TRAP1: variants seen among roughly 807,000 people sequenced by gnomAD.
The protein encoded by TRAP1 is TNF receptor associated protein 1.
A neutral mutation model predicts 89.1 loss-of-function variants in TRAP1; 102 were observed. The observed-to-expected ratio is 1.15, with a 90% CI of 0.98 to 1.35. TRAP1 has a LOEUF of 1.35. TRAP1 is among the 40% of genes most tolerant of loss of function. The pLI is 0.00. For synonymous variants in TRAP1, 508 were observed against 388.0 expected (o/e 1.31, Z -3.64); for missense variants, 1,256 against 945.3 (o/e 1.33, Z -4.31).
intron 1 of TRAP1, among the ~76,000 whole-genome samples, chr16:3,708,474 T>C (rs1478870814): frequency 1.3e-5 from 2 of 151,852 alleles, no homozygotes; most frequent in African/African-American, 4.8e-5. Flanking sequence ...CCATCTCTAC[T>C]AAAAATACAA....
intron 1 of TRAP1, among the ~76,000 whole-genome samples, chr16:3,698,790 T>C (rs1480935149): frequency 6.6e-6 from 1 of 151,874 alleles, no homozygotes; most frequent in African/African-American, 2.4e-5. Context: ...TCTCAGCTAC[T>C]TGGGAGGATC....
chr16:3,712,458 A>G (rs974843612), intron 1 of TRAP1, among the ~76,000 whole-genome samples: 1 of 151,940 alleles, frequency 6.6e-6, no homozygotes, highest in African/African-American at 2.4e-5. Flanking sequence ...TTTCTTATCA[A>G]CCTGACACCC....
At chr16:3,714,505 A>C (rs1180107702) in intron 1 of TRAP1, among the ~76,000 whole-genome samples, 2 of 152,136 alleles carry the variant, frequency 1.3e-5, no homozygotes, top group Non-Finnish European at 2.9e-5. Context: ...TTAAAAATAC[A>C]AAACCTAGCT....
intron 1 of TRAP1, among the ~76,000 whole-genome samples, chr16:3,709,458 G>A (rs144803222): frequency 1.8e-3 from 278 of 152,246 alleles, no homozygotes; most frequent in Non-Finnish European, 3.2e-3. Flanking sequence ...TGGCAATGCC[G>A]TCTGTTATCT....
At position 3,665,998 on chromosome 16, in the gene TRAP1, A is replaced by G. The variant is rs759411322; in HGVS notation, c.1356T>C (p.Ile452=). Residue 452 remains isoleucine, a synonymous_variant, in exon 12 of 18, where the codon ATT becomes ATC. Transcript: ENST00000246957. ...TGACCTCCTGCTCGGTGGCGGTCAC[A>G]ATGCCCTCCCGCATGAACAGGCCGT... ...EDYGLFMREG[I]VTATEQEVKE... 1.4e-5 allele frequency: 22 copies of G among 1,613,914 alleles called. No homozygotes were observed. In the Admixed American group the frequency reaches 1.8e-4, roughly 13 times the overall value.
intron 11 of TRAP1, among the ~76,000 whole-genome samples, chr16:3,670,335 A>C (rs2050895077): frequency 1.4e-5 from 2 of 138,452 alleles, no homozygotes; most frequent in Non-Finnish European, 3.0e-5. Context: ...GTGAGCCGAG[A>C]CTGCGCCACT....
chr16:3,671,727 GA>G lies in TRAP1; in HGVS notation c.1229del (p.Leu410ProfsTer13). On this transcript the variant is annotated frameshift_variant, in exon 11 of 18. Transcript: ENST00000246957. LOFTEE classifies it high-confidence loss of function. ...LSRELLQESA[L>X]IRKLRDVLQQ... Reference sequence around the variant, plus strand: ...CCCCGCGGCCCGAGGCTCACCTGATGAGTGCGCTCTCCTGCAGCAGCTCCCG... The same window carrying G: ...CCCCGCGGCCCGAGGCTCACCTGATGGTGCGCTCTCCTGCAGCAGCTCCCG... The G allele has an allele frequency of 6.2e-7, 1 of 1,612,900 alleles. No individual in the cohort carries two copies. Among genetic ancestry groups the G allele is most frequent in the Non-Finnish European group, 8.5e-7 (1 of 1,180,010 alleles).
intron 11 of TRAP1, 52 bp downstream of exon 11, chr16:3,671,670 A>C (rs2050914370): frequency 6.3e-7 from 1 of 1,582,880 alleles, no homozygotes; most frequent in South Asian, 1.1e-5. Flanking sequence ...GCAAAGGAGC[A>C]GGTAGGGGCC....
chr16:3,667,639 AAAT>A (rs2050853920), intron 11 of TRAP1, among the ~76,000 whole-genome samples: 1 of 151,336 alleles, frequency 6.6e-6, no homozygotes, highest in Non-Finnish European at 1.5e-5. Flanking sequence ...ATAAATAAAT[AAAT>A]AAATAAATAA....
chr16:3,710,704 G>A (rs1223399003), intron 1 of TRAP1, among the ~76,000 whole-genome samples: 1 of 151,990 alleles, frequency 6.6e-6, no homozygotes, highest in Non-Finnish European at 1.5e-5. Flanking sequence ...TTTCTCCTTC[G>A]AGGTGCATAT....
chr16:3,686,704 C>T (rs1228557286), intron 3 of TRAP1, among the ~76,000 whole-genome samples: 1 of 152,120 alleles, frequency 6.6e-6, no homozygotes, highest in African/African-American at 2.4e-5. Context: ...GGGTTGGGGG[C>T]TCATGCTTGT....
chr16:3,678,969 G>A (rs139132127), intron 5 of TRAP1, among the ~76,000 whole-genome samples: 6 of 152,306 alleles, frequency 3.9e-5, no homozygotes, highest in South Asian at 2.1e-4. Context: ...ACACAGCGCC[G>A]TGATGAGAAC....
intron 1 of TRAP1, among the ~76,000 whole-genome samples, chr16:3,692,526 A>G (rs915748810): frequency 1.4e-5 from 2 of 146,232 alleles, no homozygotes; most frequent in African/African-American, 5.2e-5. Flanking sequence ...ACAGAGCAAC[A>G]TTCTGTCTCA....
chr16:3,675,520 C>A, intron 7 of TRAP1, 123 bp from the exon 8 acceptor site: 1 of 891,096 alleles, frequency 1.1e-6, no homozygotes, highest in Admixed American at 2.1e-5. Context: ...GTACACTTCA[C>A]AGGTACAGAA....
intron 11 of TRAP1, among the ~76,000 whole-genome samples, chr16:3,666,330 C>G (rs569118634): frequency 7.3e-5 from 11 of 151,668 alleles, no homozygotes; most frequent in Admixed American, 2.6e-4. Flanking sequence ...GCAGACACCC[C>G]CTGGAGGCAG....
chr16:3,664,104 C>A, intron 13 of TRAP1, 170 bp downstream of exon 13: 1 of 676,312 alleles, frequency 1.5e-6, no homozygotes, highest in Non-Finnish European at 2.3e-6. Flanking sequence ...ATGTGACCTC[C>A]AAGTGGGAAA....
intron 4 of TRAP1, among the ~76,000 whole-genome samples, chr16:3,683,545 C>G (rs972363455): frequency 5.9e-5 from 9 of 151,774 alleles, no homozygotes; most frequent in Non-Finnish European, 1.2e-4. Context: ...ACCACCACAT[C>G]TGGCTAATTT....
chr16:3,704,484 G>T (rs1242938357), intron 1 of TRAP1: 2 of 152,028 alleles, frequency 1.3e-5, no homozygotes, highest in African/African-American at 4.8e-5. Context: ...AATAGCCAAA[G>T]AAATTTTGAA....
rs149997621 is a variant in TRAP1, at chr16:3,663,812, G to A, written c.1570-250C>T. 35 of 506,666 alleles carry A rather than the reference G, an allele frequency of 6.9e-5. No individual in the cohort carries two copies. The East Asian group carries it at 1.0e-3, about 15-fold the overall frequency. The allele number at this position is 506,666 out of a possible 1,614,324, so 31.4% of individuals were successfully genotyped here. On this transcript the variant is annotated intron_variant, in intron 13 of 17. Transcript: ENST00000246957. ...CATGTGGCTGAGTGCAGTGGCTCAC[G>A]CCTGTAATCCCAGCACTTTGGGAGG...
Sources: allele counts gnomAD v4.1 joint callset (sites outside exome capture counted in the v4.1 genomes callset), GRCh38; gene constraint gnomAD v4.1.1; transcripts MANE v1.5; gene names NCBI Gene and HGNC (gene_info 2026-07-23, HGNC 2026-07-21).